The following DLGAP1 variants were observed in gnomAD, a reference collection of about 807,000 sequenced individuals.
The protein encoded by DLGAP1 is disks large-associated protein 1.
Under a neutral mutation model 90.8 loss-of-function variants are expected in DLGAP1, and 11 were observed. The ratio of observed to expected loss-of-function variants is 0.12; its 90% CI spans 0.08 to 0.20. The LOEUF (loss-of-function observed/expected upper bound fraction) is 0.20. Among genes scored for constraint, DLGAP1 ranks in the 10% least tolerant of loss-of-function variants. The probability of loss-of-function intolerance (pLI) is 1.00; values close to 1 mark genes in which losing one functional copy is unlikely to be tolerated. For synonymous variants in DLGAP1, 558 were observed against 540.7 expected (o/e 1.03, Z -0.44); for missense variants, 1,050 against 1,333.8 (o/e 0.79, Z 3.31).
chr18:4,180,463 CT>C (rs2077188137), intron 1 of DLGAP1, among the ~76,000 whole-genome samples: 1 of 152,164 alleles, frequency 6.6e-6, no homozygotes, highest in African/African-American at 2.4e-5. Flanking sequence ...AACTGCACAT[CT>C]TGCAAGGCTT....
chr18:3,585,236 C>CA (rs2055809336), intron 7 of DLGAP1, among the ~76,000 whole-genome samples: 1 of 152,240 alleles, frequency 6.6e-6, no homozygotes, highest in African/African-American at 2.4e-5. Flanking sequence ...TCTGGCTAAA[C>CA]AATGCCAGTG....
At chr18:3,833,975 A>C (rs2068212804) in intron 4 of DLGAP1, among the ~76,000 whole-genome samples, 1 of 152,228 alleles carries the variant, frequency 6.6e-6, no homozygotes, top group Non-Finnish European at 1.5e-5. Flanking sequence ...GACTATACAC[A>C]AATAATTTCT....
At chr18:4,184,139 G>A (rs942328354) in intron 1 of DLGAP1, among the ~76,000 whole-genome samples, 4 of 152,086 alleles carry the variant, frequency 2.6e-5, no homozygotes, top group African/African-American at 9.7e-5. Flanking sequence ...CCTACATTGG[G>A]TCTAACATAA....
intron 1 of DLGAP1, among the ~76,000 whole-genome samples, chr18:4,430,042 A>G (rs1425631398): frequency 1.3e-5 from 2 of 152,242 alleles, no homozygotes; most frequent in Non-Finnish European, 2.9e-5. Flanking sequence ...ATGTAATGGT[A>G]AAACGACACA....
chr18:3,925,385 T>A (rs1304929254), intron 3 of DLGAP1, among the ~76,000 whole-genome samples: 3 of 151,828 alleles, frequency 2.0e-5, no homozygotes. Flanking sequence ...CTGATAGTAG[T>A]CTACCCATGC....
At chr18:4,092,275 C>T (rs1296264519) in intron 2 of DLGAP1, among the ~76,000 whole-genome samples, 4 of 152,272 alleles carry the variant, frequency 2.6e-5, no homozygotes, top group Middle Eastern at 3.4e-3. Context: ...AGTGCCATTG[C>T]TTGTTACCTG....
At chr18:3,671,889 A>G (rs544167752) in intron 7 of DLGAP1, among the ~76,000 whole-genome samples, 1 of 152,302 alleles carries the variant, frequency 6.6e-6, no homozygotes. Context: ...CCCCTTGGGC[A>G]AAACCTGGAA....
At chr18:3,734,047 A>T (rs2062547358) in intron 6 of DLGAP1, among the ~76,000 whole-genome samples, 1 of 152,184 alleles carries the variant, frequency 6.6e-6, no homozygotes, top group South Asian at 2.1e-4. Context: ...GTGTGTTTAC[A>T]TGGTGTGTTC....
chr18:3,562,627 T>G (rs2054201766), intron 9 of DLGAP1, among the ~76,000 whole-genome samples: 1 of 146,856 alleles, frequency 6.8e-6, no homozygotes, highest in African/African-American at 2.5e-5. Context: ...TCACTGCAGC[T>G]TCCACCTCCT....
chr18:3,981,412 G>C (rs2073726287), intron 3 of DLGAP1, among the ~76,000 whole-genome samples: 2 of 152,248 alleles, frequency 1.3e-5, no homozygotes. Flanking sequence ...ATTCAGACCT[G>C]GCGGAGACCA....
chr18:4,443,157 G>A (rs753717472), intron 1 of DLGAP1, among the ~76,000 whole-genome samples: 6 of 152,174 alleles, frequency 3.9e-5, no homozygotes, highest in Non-Finnish European at 8.8e-5. Context: ...ACATATCTTG[G>A]TTCTCAATGC....
intron 5 of DLGAP1, 150 bp downstream of exon 5, chr18:3,813,909 G>A (rs981583336): frequency 5.5e-6 from 4 of 721,358 alleles, no homozygotes; most frequent in East Asian, 2.7e-5. Context: ...ACTGGGGTAC[G>A]GACGTCAGAT....
At chr18:4,261,031 C>T (rs76208013) in intron 1 of DLGAP1, among the ~76,000 whole-genome samples, 1,535 of 152,268 alleles carry the variant, frequency 0.01, 20 homozygotes, top group Admixed American at 0.016. Context: ...AGGACAAACA[C>T]GAATCTTTTC....
intron 5 of DLGAP1, among the ~76,000 whole-genome samples, chr18:3,792,371 A>G (rs2065777396): frequency 6.6e-6 from 1 of 151,964 alleles, no homozygotes; most frequent in Non-Finnish European, 1.5e-5. Flanking sequence ...AATCCCACCT[A>G]CTTGGGAGGC....
intron 1 of DLGAP1, among the ~76,000 whole-genome samples, chr18:4,305,216 A>G (rs1231788141): frequency 6.6e-6 from 1 of 151,972 alleles, no homozygotes; most frequent in African/African-American, 2.4e-5. Flanking sequence ...GAGACAAAGC[A>G]TGATGACAAT....
In DLGAP1 at chr18:3,904,827, T is replaced by A. The variant is rs1372382973; in HGVS notation, c.-72-24687A>T. Among the ~76,000 whole-genome samples the A allele has an allele frequency of 4.6e-5, 7 of 152,170 alleles. No individual in the cohort carries two copies. In the South Asian group the frequency reaches 8.3e-4, roughly 18 times the overall value. On this transcript the variant is annotated intron_variant, in intron 3 of 12. Coordinates refer to ENST00000315677, the MANE Select transcript of DLGAP1 (RefSeq NM_004746.4). The stretch of plus-strand genomic sequence containing the variant: ...TAAGATCACTCCGTCTTTCAAGACT[T>A]ACTTTGGATCTTGCTCACTTACATC...
At chr18:4,171,366 T>C (rs1334409799) in intron 1 of DLGAP1, among the ~76,000 whole-genome samples, 1 of 151,692 alleles carries the variant, frequency 6.6e-6, no homozygotes, top group African/African-American at 2.4e-5. Context: ...AAACCCCGTC[T>C]CTACTAAAAA....
intron 1 of DLGAP1, among the ~76,000 whole-genome samples, chr18:4,417,889 C>A (rs2082938601): frequency 6.6e-6 from 1 of 152,108 alleles, no homozygotes; most frequent in Non-Finnish European, 1.5e-5. Flanking sequence ...TCCGCTGCTG[C>A]CACTTCTCAC....
chr18:4,317,635 A>T (rs1463658412), intron 1 of DLGAP1, among the ~76,000 whole-genome samples: 1 of 152,158 alleles, frequency 6.6e-6, no homozygotes, highest in Non-Finnish European at 1.5e-5. Flanking sequence ...CATACTCCCT[A>T]TTCACCCAGA....
Sources: allele counts gnomAD v4.1 joint callset (sites outside exome capture counted in the v4.1 genomes callset), GRCh38; gene constraint gnomAD v4.1.1; transcripts MANE v1.5; gene names NCBI Gene and HGNC (gene_info 2026-07-23, HGNC 2026-07-21).